KIF21A: variants seen among roughly 807,000 people sequenced by gnomAD.
KIF21A encodes the protein kinesin-like protein KIF21A.
KIF21A carries 114 observed loss-of-function variants against 202.9 expected under a neutral mutation model. The observed-to-expected ratio is 0.56, with a 90% CI of 0.48 to 0.66. The LOEUF is 0.66. Ranked by LOEUF, KIF21A falls within the 30% of genes least tolerant of loss-of-function variation. The probability of loss-of-function intolerance (pLI) is 0.00; values close to 1 mark genes in which losing one functional copy is unlikely to be tolerated. For synonymous variants in KIF21A, 667 were observed against 670.8 expected (o/e 0.99, Z 0.09); for missense variants, 1,677 against 1,994.9 (o/e 0.84, Z 3.04).
At chr12:39,387,881 C>G (rs1951060213) in intron 1 of KIF21A, among the ~76,000 whole-genome samples, 1 of 152,136 alleles carries the variant, frequency 6.6e-6, no homozygotes, top group Non-Finnish European at 1.5e-5. Context: ...AATGTCTCCC[C>G]AAATGCATAT....
intron 37 of KIF21A, among the ~76,000 whole-genome samples, chr12:39,295,191 C>T (rs762486503): frequency 6.6e-6 from 1 of 152,140 alleles, no homozygotes; most frequent in Non-Finnish European, 1.5e-5. Context: ...TGTAAATATA[C>T]ACAGTTATTG....
At chr12:39,440,934 G>A (rs926652783) in intron 1 of KIF21A, among the ~76,000 whole-genome samples, 3 of 152,028 alleles carry the variant, frequency 2.0e-5, no homozygotes, top group Admixed American at 1.3e-4. Flanking sequence ...AGGATTGCTT[G>A]AGCCCATGAG....
intron 1 of KIF21A, among the ~76,000 whole-genome samples, chr12:39,440,825 G>A (rs1805440275): frequency 6.6e-6 from 1 of 152,010 alleles, no homozygotes; most frequent in Non-Finnish European, 1.5e-5. Context: ...ACCACTCTGG[G>A]AAACATAGGG....
At chr12:39,300,501 A>G (rs2137099673) in intron 37 of KIF21A, among the ~76,000 whole-genome samples, 1 of 152,316 alleles carries the variant, frequency 6.6e-6, no homozygotes, top group Non-Finnish European at 1.5e-5. Flanking sequence ...AAAGGCTTCA[A>G]AATAAAATCA....
intron 31 of KIF21A, among the ~76,000 whole-genome samples, chr12:39,313,162 T>C (rs927323365): frequency 2.0e-5 from 3 of 151,840 alleles, no homozygotes; most frequent in Admixed American, 2.0e-4. Context: ...TTTGAAAGTA[T>C]ATGCCATTGT....
At chr12:39,368,666 C>G (rs1949762188) in intron 3 of KIF21A, among the ~76,000 whole-genome samples, 1 of 151,886 alleles carries the variant, frequency 6.6e-6, no homozygotes, top group South Asian at 2.1e-4. Context: ...CCATCATTTA[C>G]TTTCCTTAGG....
Position 39,357,371 on chromosome 12 carries a change from G to A in KIF21A, c.1282C>T (p.Leu428=). 1 of 1,613,966 alleles carries A rather than the reference G, an allele frequency of 6.2e-7. No individual in the cohort carries two copies. ...CGCAGGTTATTATTTTCAGTCTGTA[G>A]CATAGCATTCTCATGAAACATGTCA... The part of the protein sequence containing the change: ...INDMFHENAM[L]QTENNNLRVR... The change falls in exon 9 of 38, where the codon CTA becomes TTA. Residue 428 remains leucine, a synonymous_variant. Transcript: ENST00000361418.
chr12:39,324,033 C>A (rs1945578238), intron 26 of KIF21A, among the ~76,000 whole-genome samples: 1 of 151,930 alleles, frequency 6.6e-6, no homozygotes, highest in African/African-American at 2.4e-5. Flanking sequence ...TGGTGTGAAC[C>A]CGGAAGGCGG....
intron 37 of KIF21A, among the ~76,000 whole-genome samples, 182 bp from the exon 38 acceptor site, chr12:39,294,699 A>G (rs186247454): frequency 2.0e-5 from 3 of 152,212 alleles, no homozygotes; most frequent in African/African-American, 7.2e-5. Context: ...TTATATTATC[A>G]AGGGCTTACT....
chr12:39,316,819 T>C (rs902417843), intron 29 of KIF21A, among the ~76,000 whole-genome samples: 21 of 152,190 alleles, frequency 1.4e-4, no homozygotes, highest in African/African-American at 3.9e-4. Context: ...TTCTACATTT[T>C]AGTTTATAGA....
At chr12:39,330,686 C>G in intron 23 of KIF21A, 60 bp downstream of exon 23, 1 of 1,448,168 alleles carries the variant, frequency 6.9e-7, no homozygotes, top group East Asian at 2.3e-5. Flanking sequence ...TATACTATAC[C>G]ATGTTCAAAA....
intron 1 of KIF21A, among the ~76,000 whole-genome samples, chr12:39,388,401 C>A (rs890424754): frequency 6.6e-6 from 1 of 152,174 alleles, no homozygotes; most frequent in African/African-American, 2.4e-5. Context: ...CCAAATAAAT[C>A]TCTTTTCTTC....
At chr12:39,326,467 AT>A in intron 24 of KIF21A, 143 bp from the exon 25 acceptor site, 1 of 688,070 alleles carries the variant, frequency 1.5e-6, no homozygotes, top group Non-Finnish European at 2.6e-6. Context: ...AATAGACAGA[AT>A]TGTAGAAAAG....
chr12:39,305,876 T>C lies in KIF21A; in HGVS notation c.4443-938A>G, dbSNP rs374090120. The stretch of plus-strand genomic sequence containing the variant: ...GTAAAATTATTTTATTACACACACA[T>C]TTTCACAAATACACATAAGTGCATG... On this transcript the variant is annotated intron_variant, in intron 34 of 37. Transcript: ENST00000361418. Among the ~76,000 whole-genome samples the C allele has an allele frequency of 1.5e-3, 230 of 152,288 alleles. 2 individuals are homozygous for C. Among genetic ancestry groups the C allele is most frequent in the African/African-American group, 5.3e-3 (221 of 41,564 alleles).
chr12:39,318,301 A>G (rs1944803045), intron 28 of KIF21A, 100 bp from the exon 29 acceptor site: 1 of 1,098,102 alleles, frequency 9.1e-7, no homozygotes, highest in Admixed American at 2.0e-5. Context: ...GCTTTTTATT[A>G]GAGAACTCCT....
chr12:39,420,376 C>G (rs934169725), intron 1 of KIF21A, among the ~76,000 whole-genome samples: 1 of 152,100 alleles, frequency 6.6e-6, no homozygotes, highest in Admixed American at 6.5e-5. Flanking sequence ...AGCAAGGAAG[C>G]TGCCCTCAGG....
intron 1 of KIF21A, among the ~76,000 whole-genome samples, chr12:39,388,137 G>A (rs1178380580): frequency 6.6e-6 from 1 of 152,154 alleles, no homozygotes. Flanking sequence ...GGAGGTGTTT[G>A]GGTCATGGAG....
intron 16 of KIF21A, among the ~76,000 whole-genome samples, chr12:39,338,491 T>C (rs1468991633): frequency 1.3e-5 from 2 of 152,206 alleles, no homozygotes; most frequent in African/African-American, 4.8e-5. Context: ...AGAGTATTGA[T>C]AAAGTCCACA....
chr12:39,310,555 T>C (rs1943928318), intron 32 of KIF21A, among the ~76,000 whole-genome samples: 2 of 152,190 alleles, frequency 1.3e-5, no homozygotes, highest in East Asian at 1.9e-4. Context: ...ACTTCTCTTA[T>C]ACATATTCCA....
Sources: gnomAD v4.1 joint callset for allele counts (sites outside exome capture counted in the v4.1 genomes callset) on GRCh38, gnomAD v4.1.1 for gene constraint, MANE v1.5 for transcripts, NCBI Gene and HGNC (gene_info 2026-07-23, HGNC 2026-07-21) for gene names.